ASCC2: variants seen among roughly 807,000 people sequenced by gnomAD.
ASCC2 encodes ASC-1 complex subunit P100.
Under a neutral mutation model 93.5 loss-of-function variants are expected in ASCC2, and 42 were observed. The observed-to-expected ratio is 0.45, with a 90% CI of 0.35 to 0.58. ASCC2 has a LOEUF of 0.58. Ranked by LOEUF, ASCC2 falls within the 20% of genes least tolerant of loss-of-function variation. The pLI is 0.00. For missense variants in ASCC2, 859 were observed against 977.6 expected, an observed-to-expected ratio of 0.88 and a Z score of 1.62; for synonymous variants, 364 against 384.2, an observed-to-expected ratio of 0.95 and a Z score of 0.62.
At chr22:29,829,069 G>A (rs764907891) in intron 2 of ASCC2, among the ~76,000 whole-genome samples, 13 of 151,946 alleles carry the variant, frequency 8.6e-5, no homozygotes, top group South Asian at 2.1e-4. Context: ...CCAGCTACTC[G>A]GGAGGCTGAG....
At position 29,790,507 on chromosome 22, in the gene ASCC2, C is replaced by T. The variant is rs1355505295; in HGVS notation, c.2064G>A (p.Lys688=). 3.1e-6 allele frequency: 5 copies of T among 1,614,052 alleles called. No homozygotes were observed. In the African/African-American group the frequency reaches 5.3e-5, roughly 17 times the overall value. ...FVQDPAVLRE[K]AEARRMAFLA... ...GAAAGGCCATGCGCCTGGCTTCTGC[C>T]TTCTCTCTCAGCACTGCAGGGTCCT... is the stretch of plus-strand genomic sequence containing the variant. Residue 688 remains lysine (K), a synonymous_variant, in exon 19 of 20, where the codon AAG becomes AAA. Coordinates refer to ENST00000307790, the MANE Select transcript of ASCC2 (RefSeq NM_032204.5).
At position 29,832,295 on chromosome 22, in the gene ASCC2, T is replaced by A; in HGVS notation, c.31A>T (p.Ile11Phe). Residue 11 changes from isoleucine (I) to phenylalanine (F), a missense_variant, in exon 2 of 20, where the codon ATC becomes TTC. Physicochemically the swap from Ile to Phe is conservative, Grantham distance 21. Transcript: ENST00000307790. ...CCTGTCTTCGGGTCCTTGTGGGTGA[T>A]CTGGAGTTGGTCCAGGGGCAGAGCT... MPALPLDQLQ[I>F]THKDPKTGKL... 6.2e-7 allele frequency: 1 copy of A among 1,614,102 alleles called. No homozygotes were observed. The highest frequency in any genetic ancestry group is 8.5e-7 in the Non-Finnish European group (1 of 1,180,004).
intron 5 of ASCC2, among the ~76,000 whole-genome samples, chr22:29,821,396 T>C (rs983923077): frequency 5.9e-5 from 9 of 152,200 alleles, no homozygotes; most frequent in Admixed American, 2.0e-4. Flanking sequence ...AGCAAGAGCT[T>C]GAGAGTCAGG....
intron 5 of ASCC2, among the ~76,000 whole-genome samples, chr22:29,817,739 A>G (rs2061028562): frequency 6.6e-6 from 1 of 152,190 alleles, no homozygotes; most frequent in African/African-American, 2.4e-5. Context: ...GGGTCTTCTA[A>G]GTCCCTTTCC....
chr22:29,798,847 A>G (rs1476109965), intron 15 of ASCC2, among the ~76,000 whole-genome samples: 1 of 152,146 alleles, frequency 6.6e-6, no homozygotes, highest in Non-Finnish European at 1.5e-5. Context: ...GTGCTACTAA[A>G]TCTCTTAATA....
At position 29,838,274 on chromosome 22, in the gene ASCC2, T is replaced by A. The variant is rs1037120809; in HGVS notation, c.-114A>T. 2.2e-6 allele frequency: 1 copy of A among 462,972 alleles called. No individual in the cohort carries two copies. Among genetic ancestry groups the A allele is most frequent in the African/African-American group, 2.0e-5 (1 of 50,024 alleles). 28.7% of individuals were successfully genotyped at this position (462,972 alleles called of 1,614,324 possible). ...AGCGCCCGCACTTCCGGGGTCAAAC[T>A]GCGATTCCGCAGGAGCAGACAGGAA... On this transcript the variant is annotated 5_prime_UTR_variant, in exon 1 of 20. Coordinates refer to ENST00000307790, the MANE Select transcript of ASCC2 (RefSeq NM_032204.5).
Position 29,808,167 on chromosome 22 carries a change from T to G in ASCC2, c.852A>C (p.Glu284Asp), listed in dbSNP as rs1163399629. 6.2e-7 allele frequency: 1 copy of G among 1,614,250 alleles called. No homozygotes were observed. The highest frequency in any genetic ancestry group is 2.2e-5 in the East Asian group (1 of 44,886). The change falls in exon 9 of 20, where the codon GAA becomes GAC. Residue 284 changes from glutamate (E) to aspartate (D), a missense_variant. Transcript: ENST00000307790. ...DFCYRLASFY[E>D]AAIPEMESAI... ...CAGACTCCATTTCGGGAATTGCTGCTTCGTAGAAGGAAGCTAGTCTGTGCA... is the reference window on the plus strand; with the variant it reads ...CAGACTCCATTTCGGGAATTGCTGCGTCGTAGAAGGAAGCTAGTCTGTGCA...
At chr22:29,806,681 A>G in intron 10 of ASCC2, 116 bp downstream of exon 10, 5 of 1,422,536 alleles carry the variant, frequency 3.5e-6, no homozygotes, top group Non-Finnish European at 4.9e-6. Flanking sequence ...TTGGTTTCTC[A>G]TCTCTGTTCA....
At chr22:29,815,929 C>A (rs1330431428) in intron 6 of ASCC2, 77 bp downstream of exon 6, 1 of 1,272,116 alleles carries the variant, frequency 7.9e-7, no homozygotes, top group East Asian at 2.5e-5. Context: ...CCAGGAAAGT[C>A]AGGCAACACC....
chr22:29,819,071 C>T (rs1471044665), intron 5 of ASCC2, among the ~76,000 whole-genome samples: 8 of 152,206 alleles, frequency 5.3e-5, no homozygotes, highest in African/African-American at 9.7e-5. Context: ...GGAGGCTCCG[C>T]GGTCTCATCA....
At chr22:29,806,628 C>T in intron 10 of ASCC2, 75 bp from the exon 11 acceptor site, 2 of 1,503,834 alleles carry the variant, frequency 1.3e-6, no homozygotes, top group Admixed American at 1.8e-5. Context: ...ACCCGCTGCC[C>T]CTCTTTAAGG....
At chr22:29,816,100 T>C in intron 5 of ASCC2, 27 bp from the exon 6 acceptor site, 1 of 1,561,942 alleles carries the variant, frequency 6.4e-7, no homozygotes, top group Non-Finnish European at 8.7e-7. Flanking sequence ...AAGGTTGGAA[T>C]TGAGAAAAGG....
intron 5 of ASCC2, chr22:29,816,833 G>A (rs1302102146): frequency 6.8e-6 from 1 of 146,760 alleles, no homozygotes; most frequent in African/African-American, 2.5e-5. Flanking sequence ...GGGAGGGAGG[G>A]AAGATCACAG....
At chr22:29,832,423 G>T in intron 1 of ASCC2, 81 bp from the exon 2 acceptor site, 1 of 1,122,726 alleles carries the variant, frequency 8.9e-7, no homozygotes. Flanking sequence ...TGATCCCAGA[G>T]TCAGAAGAGA....
intron 18 of ASCC2, among the ~76,000 whole-genome samples, chr22:29,791,853 C>A (rs568962311): frequency 2.0e-5 from 3 of 152,220 alleles, no homozygotes; most frequent in Non-Finnish European, 4.4e-5. Flanking sequence ...CACTGCTCAG[C>A]GCAGTCCCCA....
In ASCC2 at chr22:29,788,907, A is replaced by T; in HGVS notation, c.*106T>A. On this transcript the variant is annotated 3_prime_UTR_variant, in exon 20 of 20. Transcript: ENST00000307790. ...AGGGGCTGCAAAGCTGAGGCTGTTGAGGGGTTGAGTTGAACTTGGGGCCCC... is the reference window on the plus strand; with the variant it reads ...AGGGGCTGCAAAGCTGAGGCTGTTGTGGGGTTGAGTTGAACTTGGGGCCCC... 1 of 1,382,910 alleles carries T rather than the reference A, an allele frequency of 7.2e-7. No homozygotes were observed. The highest frequency in any genetic ancestry group is 1.0e-6 in the Non-Finnish European group (1 of 993,700). The allele number at this position is 1,382,910 out of a possible 1,614,324, so 85.7% of individuals were successfully genotyped here.
chr22:29,806,952 T>C, intron 9 of ASCC2, 48 bp from the exon 10 acceptor site: 1 of 1,468,122 alleles, frequency 6.8e-7, no homozygotes, highest in Non-Finnish European at 9.4e-7. Context: ...AAAAAGGCCC[T>C]GAGGGGCCAG....
At chr22:29,834,426 C>T (rs1209522283) in intron 1 of ASCC2, 1 of 464,148 alleles carries the variant, frequency 2.2e-6, no homozygotes, top group Non-Finnish European at 4.5e-6. Context: ...GTTATAAAGA[C>T]TGTGAAGATC....
intron 1 of ASCC2, among the ~76,000 whole-genome samples, chr22:29,833,188 G>C (rs185337514): frequency 6.6e-6 from 1 of 152,182 alleles, no homozygotes; most frequent in Admixed American, 6.5e-5. Context: ...CAATGCCCAG[G>C]GCTCTCCTCT....
Sources: allele counts gnomAD v4.1 joint callset (sites outside exome capture counted in the v4.1 genomes callset), GRCh38; gene constraint gnomAD v4.1.1; transcripts MANE v1.5; gene names NCBI Gene and HGNC (gene_info 2026-07-23, HGNC 2026-07-21).